The following GNA14 variants were observed in gnomAD, a reference collection of about 807,000 sequenced individuals.
The protein encoded by GNA14 is guanine nucleotide-binding protein subunit alpha-14.
GNA14 carries 50 observed loss-of-function variants against 42.0 expected under a neutral mutation model. That is an observed-to-expected ratio of 1.19 (90% CI 0.95 to 1.51). The LOEUF (loss-of-function observed/expected upper bound fraction) is 1.51. Among genes scored for constraint, GNA14 ranks in the 40% most tolerant of loss-of-function variants. GNA14 has a pLI of 0.00. For synonymous variants in GNA14, 173 were observed against 163.1 expected, an observed-to-expected ratio of 1.06 and a Z score of -0.46; for missense variants, 473 against 446.2, an observed-to-expected ratio of 1.06 and a Z score of -0.54.
chr9:77,548,231 T>C (rs1837744392), intron 1 of GNA14, among the ~76,000 whole-genome samples: 2 of 152,204 alleles, frequency 1.3e-5, no homozygotes, highest in South Asian at 2.1e-4. Flanking sequence ...TGTTCTTTGC[T>C]TGTGGCAGTG....
chr9:77,547,003 ACT>A (rs1327363796), intron 1 of GNA14, among the ~76,000 whole-genome samples: 3 of 152,052 alleles, frequency 2.0e-5, no homozygotes, highest in African/African-American at 4.8e-5. Context: ...CCTACATATA[ACT>A]CTGTCTTATT....
intron 2 of GNA14, among the ~76,000 whole-genome samples, chr9:77,515,633 AACAG>A (rs1362749044): frequency 2.0e-5 from 3 of 152,072 alleles, no homozygotes; most frequent in African/African-American, 7.2e-5. Flanking sequence ...AGCTGGAGGA[AACAG>A]ACAGGAATAC....
At chr9:77,588,414 T>C (rs138630496) in intron 1 of GNA14, among the ~76,000 whole-genome samples, 2 of 152,352 alleles carry the variant, frequency 1.3e-5, no homozygotes, top group African/African-American at 4.8e-5. Context: ...GACTTGGTGA[T>C]TTCTTGATCC....
At chr9:77,486,093 T>G (rs1229110345) in intron 2 of GNA14, among the ~76,000 whole-genome samples, 1 of 152,242 alleles carries the variant, frequency 6.6e-6, no homozygotes, top group Non-Finnish European at 1.5e-5. Flanking sequence ...CTTCTTCCAA[T>G]AGAAGGCTGT....
chr9:77,434,430 A>G lies in GNA14; in HGVS notation c.402T>C (p.Asp134=). The G allele has an allele frequency of 1.2e-6, 2 of 1,614,066 alleles. No individual in the cohort carries two copies. Among genetic ancestry groups the G allele is most frequent in the Non-Finnish European group, 1.7e-6 (2 of 1,179,984 alleles). Reference sequence around the variant, plus strand: ...TGTCGTAACACTCCTGGATGCCTGGATCTTGCCAGAGCTGCTTGATGGCCT... The same window carrying G: ...TGTCGTAACACTCCTGGATGCCTGGGTCTTGCCAGAGCTGCTTGATGGCCT... ...QVEAIKQLWQ[D]PGIQECYDRR... is the part of the protein sequence containing the mutation. Residue 134 remains aspartate (D), a synonymous_variant, in exon 3 of 7, where the codon GAT becomes GAC. Transcript: ENST00000341700.
chr9:77,647,542 A>AG (rs2118052203), intron 1 of GNA14, 128 bp downstream of exon 1: 1 of 1,055,760 alleles, frequency 9.5e-7, no homozygotes, highest in Non-Finnish European at 1.3e-6. Context: ...GTGAGCTCCG[A>AG]GGGGGAGAAG....
intron 2 of GNA14, among the ~76,000 whole-genome samples, chr9:77,525,444 A>G (rs994914520): frequency 1.3e-5 from 2 of 152,324 alleles, no homozygotes; most frequent in East Asian, 3.9e-4. Flanking sequence ...CTTGAGCCAG[A>G]CATGGCAAGA....
intron 1 of GNA14, among the ~76,000 whole-genome samples, chr9:77,627,130 T>C (rs553305007): frequency 6.6e-6 from 1 of 152,130 alleles, no homozygotes; most frequent in Non-Finnish European, 1.5e-5. Flanking sequence ...CTAGAAAATC[T>C]AGAAGAAATT....
chr9:77,425,681 G>A lies in GNA14; in HGVS notation c.758C>T (p.Thr253Ile). ...CAGAAACCAGGGGTAGGTGATGATG[G>A]TTTTAAATAAGGCTTTGCTCTCTTC... The part of the protein sequence containing the change: ...RMEESKALFK[T>I]IITYPWFLNS... The change falls in exon 6 of 7, where the codon ACC (threonine) becomes ATC (isoleucine). Residue 253 changes from threonine to isoleucine, a missense_variant. By Grantham distance (89) the Thr-to-Ile change is moderately conservative (BLOSUM62 -1). Coordinates refer to ENST00000341700, the MANE Select transcript of GNA14 (RefSeq NM_004297.4). 6.2e-7 allele frequency: 1 copy of A among 1,610,542 alleles called. No individual in the cohort carries two copies. The highest frequency in any genetic ancestry group is 8.5e-7 in the Non-Finnish European group (1 of 1,177,232).
intron 2 of GNA14, among the ~76,000 whole-genome samples, chr9:77,488,756 A>G (rs1461269185): frequency 6.6e-6 from 1 of 150,740 alleles, no homozygotes; most frequent in African/African-American, 2.4e-5. Flanking sequence ...AGTAAGTTAC[A>G]AAGACTCTTT....
chr9:77,488,803 A>AC (rs1410473580), intron 2 of GNA14, among the ~76,000 whole-genome samples: 2 of 150,960 alleles, frequency 1.3e-5, no homozygotes, highest in African/African-American at 4.9e-5. Context: ...AAAAAAAAAA[A>AC]AAAAAACAGA....
chr9:77,499,400 A>C (rs1836928077), intron 2 of GNA14, among the ~76,000 whole-genome samples: 1 of 152,278 alleles, frequency 6.6e-6, no homozygotes, highest in South Asian at 2.1e-4. Context: ...AAAAAAAAAA[A>C]AAACTGATGA....
In GNA14 at chr9:77,431,207, T is replaced by TCA. The variant is rs1347461689; in HGVS notation, c.593+112_593+113dup. 8.7e-6 allele frequency: 8 copies of TCA among 917,686 alleles called. No homozygotes were observed. In the Admixed American group the frequency reaches 9.0e-5, roughly 10 times the overall value. The allele number at this position is 917,686 out of a possible 1,614,324, so 56.8% of individuals were successfully genotyped here. A position where few individuals can be genotyped will look rare whatever the true frequency, so the allele number is the denominator to read the frequency against. On this transcript the variant is annotated intron_variant, in intron 4 of 6. Transcript: ENST00000341700. ...TTCTAAATACCCTTGGCAGAGAGGG[T>TCA]CACTCTGTCCTAAGAGATATAATCC...
intron 2 of GNA14, among the ~76,000 whole-genome samples, chr9:77,437,757 C>T (rs1835662529): frequency 6.6e-6 from 1 of 152,168 alleles, no homozygotes; most frequent in South Asian, 2.1e-4. Context: ...CTCCATCACC[C>T]AGAGCTCCTA....
intron 2 of GNA14, among the ~76,000 whole-genome samples, chr9:77,517,817 C>G (rs948778373): frequency 1.3e-5 from 2 of 151,578 alleles, no homozygotes; most frequent in Non-Finnish European, 2.9e-5. Flanking sequence ...GCTGCCCAGG[C>G]TGGTCTTGAA....
chr9:77,587,535 A>C (rs2117877401), intron 1 of GNA14, among the ~76,000 whole-genome samples: 1 of 151,848 alleles, frequency 6.6e-6, no homozygotes, highest in East Asian at 1.9e-4. Flanking sequence ...GCCAAGCAAA[A>C]GAAGCCAGAA....
chr9:77,555,716 C>G (rs775940451), intron 1 of GNA14, among the ~76,000 whole-genome samples: 4 of 152,124 alleles, frequency 2.6e-5, no homozygotes, highest in Non-Finnish European at 5.9e-5. Flanking sequence ...GTAACATGCA[C>G]GACGATGTCC....
At chr9:77,631,365 TA>T (rs951748845) in intron 1 of GNA14, among the ~76,000 whole-genome samples, 23 of 151,934 alleles carry the variant, frequency 1.5e-4, no homozygotes, top group African/African-American at 5.1e-4. Flanking sequence ...CTATAGTATT[TA>T]GCTGGGTATC....
At chr9:77,471,791 C>A (rs2131721525) in intron 2 of GNA14, among the ~76,000 whole-genome samples, 1 of 152,226 alleles carries the variant, frequency 6.6e-6, no homozygotes, top group South Asian at 2.1e-4. Context: ...TAATACCACA[C>A]CTGGTGTTTA....
Sources: gnomAD v4.1 joint callset for allele counts (sites outside exome capture counted in the v4.1 genomes callset) on GRCh38, gnomAD v4.1.1 for gene constraint, MANE v1.5 for transcripts, NCBI Gene and HGNC (gene_info 2026-07-23, HGNC 2026-07-21) for gene names.